SLC24A2: variants seen among roughly 807,000 people sequenced by gnomAD.
SLC24A2 encodes sodium/potassium/calcium exchanger 2.
Under a neutral mutation model 62.0 loss-of-function variants are expected in SLC24A2, and 36 were observed. That is an observed-to-expected ratio of 0.58 (90% CI 0.44 to 0.77). SLC24A2 has a LOEUF of 0.77. Among genes scored for constraint, SLC24A2 ranks in the 30% least tolerant of loss-of-function variants. The pLI, the probability that SLC24A2 is intolerant of heterozygous loss-of-function variation, is 0.00. For missense variants in SLC24A2, 846 were observed against 817.9 expected (o/e 1.03, Z -0.42); for synonymous variants, 358 against 294.0 (o/e 1.22, Z -2.23).
chr9:20,268,483 G>A, the SLC24A2 span, among the ~76,000 whole-genome samples: 1 of 152,086 alleles, frequency 6.6e-6, no homozygotes, highest in East Asian at 1.9e-4. Flanking sequence ...TCATGGGAGT[G>A]GCACTGAAGG....
At chr9:19,529,642 A>G (rs1002332039) in intron 8 of SLC24A2, among the ~76,000 whole-genome samples, 16 of 152,140 alleles carry the variant, frequency 1.1e-4, no homozygotes, top group African/African-American at 3.9e-4. Context: ...CTTAGAAGAA[A>G]AATATTTTGG....
the SLC24A2 span, among the ~76,000 whole-genome samples, chr9:20,036,812 T>A: frequency 6.6e-6 from 1 of 152,066 alleles, no homozygotes; most frequent in Non-Finnish European, 1.5e-5. Flanking sequence ...TATTTGCATA[T>A]AACCTATGCA....
the SLC24A2 span, among the ~76,000 whole-genome samples, chr9:20,067,265 C>A: frequency 2.0e-5 from 3 of 152,132 alleles, no homozygotes; most frequent in Non-Finnish European, 4.4e-5. Flanking sequence ...ATAATTTGAA[C>A]TCTTCATGAT....
chr9:19,960,926 C>T, the SLC24A2 span, among the ~76,000 whole-genome samples: 3 of 151,958 alleles, frequency 2.0e-5, no homozygotes, highest in Non-Finnish European at 4.4e-5. Context: ...GCAAATATAT[C>T]TATTATTATT....
At chr9:19,610,499 G>A (rs775384824) in intron 4 of SLC24A2, among the ~76,000 whole-genome samples, 10 of 152,240 alleles carry the variant, frequency 6.6e-5, no homozygotes, top group Non-Finnish European at 1.3e-4. Flanking sequence ...AACGAGAGAA[G>A]AACAAAGCAT....
intron 9 of SLC24A2, among the ~76,000 whole-genome samples, chr9:19,527,690 G>A (rs1833501686): frequency 1.3e-5 from 2 of 152,184 alleles, no homozygotes; most frequent in Admixed American, 6.5e-5. Flanking sequence ...AACTGCTGGT[G>A]AGAACGTGAG....
chr9:19,840,082 A>G, the SLC24A2 span, among the ~76,000 whole-genome samples: 1 of 152,198 alleles, frequency 6.6e-6, no homozygotes, highest in East Asian at 1.9e-4. Flanking sequence ...TCAGAATGGC[A>G]AAATAGAACT....
At chr9:20,111,402 G>T in the SLC24A2 span, among the ~76,000 whole-genome samples, 1 of 152,056 alleles carries the variant, frequency 6.6e-6, no homozygotes, top group Non-Finnish European at 1.5e-5. Flanking sequence ...GCCCTCTCCA[G>T]GTGTTATTAG....
At chr9:20,219,932 G>T in the SLC24A2 span, among the ~76,000 whole-genome samples, 5 of 152,064 alleles carry the variant, frequency 3.3e-5, no homozygotes, top group Non-Finnish European at 4.4e-5. Flanking sequence ...TACACAATTC[G>T]AGCTTTGGAG....
chr9:20,176,749 T>G, the SLC24A2 span, among the ~76,000 whole-genome samples: 6 of 152,134 alleles, frequency 3.9e-5, no homozygotes, highest in Admixed American at 3.3e-4. Context: ...ATTTTTCCCT[T>G]GCTAGTTTGA....
chr9:19,679,041 C>T (rs1442236787), intron 2 of SLC24A2, among the ~76,000 whole-genome samples: 2 of 152,120 alleles, frequency 1.3e-5, no homozygotes, highest in Non-Finnish European at 2.9e-5. Flanking sequence ...CTAATCCTGC[C>T]CTGATACCCT....
the SLC24A2 span, among the ~76,000 whole-genome samples, chr9:19,828,143 T>C: frequency 7.2e-5 from 11 of 152,296 alleles, no homozygotes; most frequent in East Asian, 1.9e-3. Context: ...GGTATATTTA[T>C]CCTTAACAAA....
the SLC24A2 span, among the ~76,000 whole-genome samples, chr9:19,804,440 T>A: frequency 6.6e-6 from 1 of 152,158 alleles, no homozygotes; most frequent in Non-Finnish European, 1.5e-5. Context: ...CTTTCCTAAT[T>A]TCAGTTTTCA....
the SLC24A2 span, among the ~76,000 whole-genome samples, chr9:20,050,971 A>G: frequency 2.0e-5 from 3 of 152,338 alleles, no homozygotes; most frequent in Non-Finnish European, 4.4e-5. Context: ...AGGGAATAAA[A>G]GAAAAAATAC....
chr9:19,834,604 G>A, the SLC24A2 span, among the ~76,000 whole-genome samples: 3 of 151,604 alleles, frequency 2.0e-5, no homozygotes, highest in Non-Finnish European at 4.4e-5. Flanking sequence ...TCTGATTGGT[G>A]TACCTGAAAG....
intron 8 of SLC24A2, among the ~76,000 whole-genome samples, chr9:19,541,327 C>G (rs2132707841): frequency 6.7e-6 from 1 of 149,980 alleles, no homozygotes; most frequent in East Asian, 2.0e-4. Flanking sequence ...TTTTCCCCAT[C>G]TTTGTGGTTT....
the SLC24A2 span, among the ~76,000 whole-genome samples, chr9:20,013,685 G>C: frequency 6.6e-6 from 1 of 152,138 alleles, no homozygotes; most frequent in African/African-American, 2.4e-5. Flanking sequence ...TCATGTGTCT[G>C]ACAAAAGGTT....
At chr9:19,952,436 T>C in the SLC24A2 span, among the ~76,000 whole-genome samples, 1 of 152,038 alleles carries the variant, frequency 6.6e-6, no homozygotes, top group Non-Finnish European at 1.5e-5. Flanking sequence ...CTGTAGTTTT[T>C]TGTCACTATT....
chr9:20,195,513 G>A, the SLC24A2 span, among the ~76,000 whole-genome samples: 1 of 152,086 alleles, frequency 6.6e-6, no homozygotes. Flanking sequence ...TCTTTAGTCT[G>A]TTTTTTAAAT....
Sources: allele counts gnomAD v4.1 joint callset (sites outside exome capture counted in the v4.1 genomes callset), GRCh38; gene constraint gnomAD v4.1.1; transcripts MANE v1.5; gene names NCBI Gene and HGNC (gene_info 2026-07-23, HGNC 2026-07-21).